WRAP53: variants seen among roughly 807,000 people sequenced by gnomAD.
WRAP53 encodes WD repeat containing antisense to TP53, also known as telomerase Cajal body protein 1.
Under a neutral mutation model 56.6 loss-of-function variants are expected in WRAP53, and 28 were observed. That is an observed-to-expected ratio of 0.50 (90% CI 0.37 to 0.68). The LOEUF (loss-of-function observed/expected upper bound fraction) is 0.68, where lower values mean the gene tolerates loss of function less well. Ranked by LOEUF, WRAP53 falls within the 30% of genes least tolerant of loss-of-function variation. The pLI, the probability that WRAP53 is intolerant of heterozygous loss-of-function variation, is 0.00. For missense variants in WRAP53, 671 were observed against 715.5 expected (o/e 0.94, Z 0.71); for synonymous variants, 283 against 283.4 (o/e 1.00, Z 0.01).
rs530372558 is a variant in WRAP53, at chr17:7,702,965, G to T, written c.1269-28G>T. On this transcript the variant is annotated intron_variant, in intron 9 of 10. Coordinates refer to ENST00000396463, the MANE Select transcript of WRAP53 (RefSeq NM_001143992.2). The surrounding 1 kb of genome is among the most constrained non-coding windows in gnomAD (Gnocchi z 5.0). The stretch of plus-strand genomic sequence containing the variant: ...TTCCTGCCCCAGGGGTGAGGCCTCT[G>T]CCAGCAAATCTCTCCTCTCTCTCGC... 1.9e-6 allele frequency: 3 copies of T among 1,613,326 alleles called. No individual in the cohort carries two copies. The highest frequency in any genetic ancestry group is 2.5e-6 in the Non-Finnish European group (3 of 1,180,014).
At chr17:7,691,670 A>G (rs111326929) in intron 4 of WRAP53, among the ~76,000 whole-genome samples, 8,287 of 151,940 alleles carry the variant, frequency 0.055, 517 homozygotes, top group African/African-American at 0.16. Flanking sequence ...GATTATAGGC[A>G]TGAGCCACCG....
intron 4 of WRAP53, among the ~76,000 whole-genome samples, chr17:7,696,103 G>A (rs2074180158): frequency 6.6e-6 from 1 of 151,918 alleles, no homozygotes; most frequent in Admixed American, 6.6e-5. Flanking sequence ...TTAGGGAAGC[G>A]TTCCCAGAGG....
At chr17:7,690,519 G>T (rs954766253) in intron 4 of WRAP53, among the ~76,000 whole-genome samples, 1 of 152,214 alleles carries the variant, frequency 6.6e-6, no homozygotes, top group South Asian at 2.1e-4. Flanking sequence ...CCTGAAGGAG[G>T]ATAAGGGATC....
chr17:7,686,559 T>G (rs889368412), upstream of WRAP53: 2 of 152,218 alleles, frequency 1.3e-5, no homozygotes, highest in African/African-American at 4.8e-5. Flanking sequence ...AATAGCAGCC[T>G]CCCTCTGCCA....
At chr17:7,687,663 G>A, upstream of WRAP53, 3 of 398,650 alleles carry the variant, frequency 7.5e-6, no homozygotes, top group Non-Finnish European at 1.3e-5. Context: ...AGGGTGCAGA[G>A]TCAGGATTCT....
intron 4 of WRAP53, among the ~76,000 whole-genome samples, chr17:7,693,812 TG>T (rs2074145810): frequency 6.6e-6 from 1 of 152,338 alleles, no homozygotes; most frequent in South Asian, 2.1e-4. Flanking sequence ...GTATCAGTTG[TG>T]TGCAAGCCAA....
intron 4 of WRAP53, 57 bp from the exon 5 acceptor site, chr17:7,700,684 G>T: frequency 8.2e-7 from 1 of 1,224,626 alleles, no homozygotes; most frequent in Non-Finnish European, 1.2e-6. Flanking sequence ...CTAGAGGCAC[G>T]CGCCTCAGAC....
Position 7,703,349 on chromosome 17 carries a change from T to A in WRAP53, c.1510T>A (p.Ser504Thr). The A allele has an allele frequency of 1.2e-6, 2 of 1,613,950 alleles. No individual in the cohort carries two copies. Among genetic ancestry groups the A allele is most frequent in the Non-Finnish European group, 1.7e-6 (2 of 1,179,990 alleles). The change falls in exon 11 of 11, where the codon TCC (serine) becomes ACC (threonine). Residue 504 changes from serine to threonine, a missense_variant. Transcript: ENST00000396463. Reference sequence around the variant, plus strand: ...AGAGGAGCTGGGCCTTCCCTTGCTCTCCACGCGCCACGTCCACCTTGAATG... The same window carrying A: ...AGAGGAGCTGGGCCTTCCCTTGCTCACCACGCGCCACGTCCACCTTGAATG... ...EGEELGLPLL[S>T]TRHVHLECRL...
intron 4 of WRAP53, among the ~76,000 whole-genome samples, chr17:7,693,736 T>TA (rs1241702015): frequency 4.6e-5 from 7 of 151,630 alleles, no homozygotes. Flanking sequence ...ATAATAAAAT[T>TA]AAAAAAAAGT....
chr17:7,692,978 T>C (rs1159873470), intron 4 of WRAP53, among the ~76,000 whole-genome samples: 1 of 151,632 alleles, frequency 6.6e-6, no homozygotes, highest in East Asian at 2.0e-4. Flanking sequence ...CCTGACCTCG[T>C]GATCCTCCTG....
In WRAP53 at chr17:7,701,927, G is replaced by A. The variant is rs781593838; in HGVS notation, c.955+138G>A. On this transcript the variant is annotated intron_variant, in intron 7 of 10. Coordinates refer to ENST00000396463, the MANE Select transcript of WRAP53 (RefSeq NM_001143992.2). This position sits in a 1 kb window ranked among gnomAD's most constrained non-coding sequence, Gnocchi z 4.2. ...CCCCGGGAGCAGGTGCAGCCCAGTCGGCAGAGGAGCAAACAGGCTCAGAGC... is the reference window on the plus strand; with the variant it reads ...CCCCGGGAGCAGGTGCAGCCCAGTCAGCAGAGGAGCAAACAGGCTCAGAGC... 186 of 1,416,860 alleles carry A rather than the reference G, an allele frequency of 1.3e-4. No homozygotes were observed. The highest frequency in any genetic ancestry group is 2.5e-4 in the East Asian group (10 of 40,342). 87.8% of individuals were successfully genotyped at this position (1,416,860 alleles called of 1,614,324 possible). A position where few individuals can be genotyped will look rare whatever the true frequency, so the allele number is the denominator to read the frequency against.
intron 3 of WRAP53, 25 bp from the exon 4 acceptor site, chr17:7,689,565 C>T: frequency 6.2e-7 from 1 of 1,607,316 alleles, no homozygotes; most frequent in Non-Finnish European, 8.5e-7. Context: ...GTCTGGCCAG[C>T]TTTCTAACTC....
At position 7,701,796 on chromosome 17, in the gene WRAP53, A is replaced by G. The variant is rs1328121037; in HGVS notation, c.955+7A>G. ...GAGGTCCGAGCCACATTTGGTAAGC[A>G]TCTGTGCCTCCAAGGGAGGAGGAGA... On this transcript the variant is annotated splice_region_variant and intron_variant, in intron 7 of 10. Coordinates refer to ENST00000396463, the MANE Select transcript of WRAP53 (RefSeq NM_001143992.2). This position sits in a 1 kb window ranked among gnomAD's most constrained non-coding sequence, Gnocchi z 4.2. The G allele has an allele frequency of 6.2e-7, 1 of 1,613,560 alleles. No individual in the cohort carries two copies.
At chr17:7,696,589 C>T (rs954523739) in intron 4 of WRAP53, among the ~76,000 whole-genome samples, 10 of 152,208 alleles carry the variant, frequency 6.6e-5, no homozygotes, top group South Asian at 6.2e-4. Flanking sequence ...TGAGCCACTG[C>T]GCCCGGTCAG....
chr17:7,703,335 G>T lies in WRAP53; in HGVS notation c.1496G>T (p.Gly499Val). The change falls in exon 11 of 11, where the codon GGC becomes GTC. Residue 499 changes from glycine to valine, a missense_variant. Physicochemically the swap from Gly to Val is moderately radical, Grantham distance 109. This residue lies in a region of WRAP53 where 107 missense variants were observed against 81.3 expected (regional missense o/e 1.32). Coordinates refer to ENST00000396463, the MANE Select transcript of WRAP53 (RefSeq NM_001143992.2). Reference sequence around the variant, plus strand: ...AGTGGGGACGAAGGAGAGGAGCTGGGCCTTCCCTTGCTCTCCACGCGCCAC... The same window carrying T: ...AGTGGGGACGAAGGAGAGGAGCTGGTCCTTCCCTTGCTCTCCACGCGCCAC... ...TESGDEGEELGLPLLSTRHVH... is the reference protein window; with the variant it reads ...TESGDEGEELVLPLLSTRHVH... 6.2e-7 allele frequency: 1 copy of T among 1,614,044 alleles called. No individual in the cohort carries two copies. The highest frequency in any genetic ancestry group is 8.5e-7 in the Non-Finnish European group (1 of 1,180,024).
rs757652943 is a variant in WRAP53, at chr17:7,689,007, GGCCAGAGTTGGGGTCTGGAAAA to G, written c.364_385del (p.Glu122TrpfsTer44). The G allele has an allele frequency of 3.7e-6, 6 of 1,614,160 alleles. No homozygotes were observed. Among genetic ancestry groups the G allele is most frequent in the Non-Finnish European group, 5.1e-6 (6 of 1,180,042 alleles). ...AGCCTTTCTGAAGAAGAAGCGAACG[GGCCAGAGTTGGGGTCTGGAAAA>G]GCCATGGAAGATACCTCTGGGGAAC... On this transcript the variant is annotated frameshift_variant, in exon 2 of 11. Transcript: ENST00000396463. LOFTEE classifies it high-confidence loss of function.
upstream of WRAP53, chr17:7,687,524 ATG>A (rs1220590387): frequency 5.0e-6 from 2 of 398,582 alleles, no homozygotes; most frequent in Non-Finnish European, 8.8e-6. Context: ...TCTTGAGCAC[ATG>A]GGAGGGGAAA....
chr17:7,700,596 C>T (rs1028794156), intron 4 of WRAP53, 145 bp from the exon 5 acceptor site: 24 of 707,610 alleles, frequency 3.4e-5, no homozygotes, highest in Non-Finnish European at 5.8e-5. Flanking sequence ...CTAAATTTGA[C>T]ATTAAAGTCT....
chr17:7,701,430 C>T lies in WRAP53; in HGVS notation c.732-29C>T, dbSNP rs377202106. On this transcript the variant is annotated intron_variant, in intron 5 of 10. Coordinates refer to ENST00000396463, the MANE Select transcript of WRAP53 (RefSeq NM_001143992.2). This position sits in a 1 kb window ranked among gnomAD's most constrained non-coding sequence, Gnocchi z 4.2. ...ATTCCTCCCCTTCCTTTGACAGCAC[C>T]GGGGTTTCAGTGTCCATGTCTCTCT... 42 of 1,612,474 alleles carry T rather than the reference C, an allele frequency of 2.6e-5. No individual in the cohort carries two copies. Among genetic ancestry groups the T allele is most frequent in the Non-Finnish European group, 2.7e-5 (32 of 1,178,580 alleles).
Sources: gnomAD v4.1 joint callset for allele counts (sites outside exome capture counted in the v4.1 genomes callset) on GRCh38, gnomAD v4.1.1 for gene constraint, gnomAD v4.1.1 regional missense constraint, Gnocchi (gnomAD v3.1) non-coding constraint, MANE v1.5 for transcripts, NCBI Gene and HGNC (gene_info 2026-07-23, HGNC 2026-07-21) for gene names.